KCNH1: variants seen among roughly 807,000 people sequenced by gnomAD.
KCNH1 encodes the protein potassium voltage-gated channel subfamily H member 1, also known as voltage-gated delayed rectifier potassium channel KCNH1.
Under a neutral mutation model 69.2 loss-of-function variants are expected in KCNH1, and 27 were observed. That is an observed-to-expected ratio of 0.39 (90% CI 0.29 to 0.54). The LOEUF is 0.54. Among genes scored for constraint, KCNH1 ranks in the 20% least tolerant of loss-of-function variants. The probability of loss-of-function intolerance (pLI) is 0.68; values close to 1 mark genes in which losing one functional copy is unlikely to be tolerated. For synonymous variants in KCNH1, 456 were observed against 487.7 expected (o/e 0.93, Z 0.86); for missense variants, 798 against 1,261.6 (o/e 0.63, Z 5.57).
intron 7 of KCNH1, among the ~76,000 whole-genome samples, chr1:210,848,796 AT>A (rs1166786297): frequency 6.6e-6 from 1 of 152,136 alleles, no homozygotes; most frequent in Non-Finnish European, 1.5e-5. Context: ...CTGGGCCCCC[AT>A]TTCAATTTTT....
intron 5 of KCNH1, among the ~76,000 whole-genome samples, chr1:211,060,325 C>T (rs1369841732): frequency 2.2e-5 from 3 of 134,232 alleles, no homozygotes; most frequent in Admixed American, 8.7e-5. Flanking sequence ...CTTATGAACC[C>T]GGGAGGCGGA....
chr1:210,904,834 A>G (rs1687069957), intron 7 of KCNH1, among the ~76,000 whole-genome samples: 2 of 152,260 alleles, frequency 1.3e-5, no homozygotes, highest in South Asian at 4.1e-4. Flanking sequence ...CCAATGAAAT[A>G]GAGCCATTAC....
chr1:210,815,882 T>C (rs1043143713), intron 7 of KCNH1, among the ~76,000 whole-genome samples: 3 of 152,172 alleles, frequency 2.0e-5, no homozygotes, highest in African/African-American at 7.2e-5. Context: ...AACACACAGA[T>C]CCCACACCCT....
intron 6 of KCNH1, among the ~76,000 whole-genome samples, chr1:211,002,939 G>A (rs1689215417): frequency 6.6e-6 from 1 of 152,154 alleles, no homozygotes; most frequent in African/African-American, 2.4e-5. Context: ...CTCCAAAACT[G>A]ATCCCGGCAA....
intron 6 of KCNH1, among the ~76,000 whole-genome samples, chr1:210,926,112 T>G (rs1049496396): frequency 2.6e-5 from 4 of 152,094 alleles, no homozygotes; most frequent in African/African-American, 9.7e-5. Context: ...TACAAAATAT[T>G]AGCCAGTCAT....
chr1:210,853,600 G>A (rs1461761677), intron 7 of KCNH1, among the ~76,000 whole-genome samples: 1 of 152,170 alleles, frequency 6.6e-6, no homozygotes, highest in East Asian at 1.9e-4. Flanking sequence ...GCCTGATTGG[G>A]TACAACTAAC....
chr1:210,741,213 A>T (rs536393387), intron 10 of KCNH1, among the ~76,000 whole-genome samples: 1 of 152,352 alleles, frequency 6.6e-6, no homozygotes, highest in South Asian at 2.1e-4. Context: ...GTGAAGACAT[A>T]AAAAATAACA....
chr1:210,984,147 C>T lies in KCNH1; in HGVS notation c.1032+34636G>A, dbSNP rs529930359. Among the ~76,000 whole-genome samples, 766 of 152,268 alleles carry T rather than the reference C, an allele frequency of 5.0e-3. 9 individuals carry two copies. The highest frequency in any genetic ancestry group is 0.018 in the African/African-American group (729 of 41,554). On this transcript the variant is annotated intron_variant, in intron 6 of 10. Coordinates refer to ENST00000271751, the MANE Select transcript of KCNH1 (RefSeq NM_172362.3). ...TGTATCCTGAGACTGCTGAAGTTGTCTATCAGCTTAAGGAGATTTTCAGCT... is the reference window on the plus strand; with the variant it reads ...TGTATCCTGAGACTGCTGAAGTTGTTTATCAGCTTAAGGAGATTTTCAGCT...
chr1:211,027,947 A>G (rs1178082934), intron 5 of KCNH1, among the ~76,000 whole-genome samples: 1 of 152,218 alleles, frequency 6.6e-6, no homozygotes, highest in African/African-American at 2.4e-5. Context: ...CCATCAAACA[A>G]TAAGATATAG....
chr1:210,908,117 GTTC>G (rs1359624329), intron 7 of KCNH1, among the ~76,000 whole-genome samples: 2 of 152,172 alleles, frequency 1.3e-5, no homozygotes, highest in Non-Finnish European at 2.9e-5. Flanking sequence ...TGAGTGCAAG[GTTC>G]TTCTTAATCT....
At position 211,037,678 on chromosome 1, in the gene KCNH1, C is replaced by A. The variant is rs528118149; in HGVS notation, c.559-18422G>T. On this transcript the variant is annotated intron_variant, in intron 5 of 10. Transcript: ENST00000271751. The stretch of plus-strand genomic sequence containing the variant: ...CAATTAAATCCAAAACCAGGCACAT[C>A]GGCCAGAGCCTGTCTCTCTTAAGAG... Among the ~76,000 whole-genome samples, 126 of 152,118 alleles carry A rather than the reference C, an allele frequency of 8.3e-4. 1 individual carries two copies. The highest frequency in any genetic ancestry group is 1.3e-3 in the Non-Finnish European group (89 of 67,992).
At chr1:210,933,481 T>C (rs1249641398) in intron 6 of KCNH1, among the ~76,000 whole-genome samples, 4 of 151,776 alleles carry the variant, frequency 2.6e-5, no homozygotes, top group African/African-American at 9.7e-5. Flanking sequence ...ACCTGCACAT[T>C]GTGAACATGT....
At position 210,683,830 on chromosome 1, in the gene KCNH1, C is replaced by T. The variant is rs751537005; in HGVS notation, c.2421G>A (p.Gly807=). The T allele has an allele frequency of 8.7e-6, 14 of 1,614,022 alleles. No homozygotes were observed. The Admixed American group carries it at 2.2e-4, about 25-fold the overall frequency. Residue 807 remains glycine (G), a synonymous_variant, in exon 11 of 11, where the codon GGG becomes GGA. Transcript: ENST00000271751. This position sits in a 1 kb window ranked among gnomAD's most constrained non-coding sequence, Gnocchi z 5.7. ...PVSFQAASTS[G]VPDHAKLQAP... ...CCTGTAGCTTTGCGTGGTCTGGCAC[C>T]CCGGAGGTGGAGGCTGCCTGGAAGG...
intron 9 of KCNH1, among the ~76,000 whole-genome samples, chr1:210,787,557 C>A (rs1200943198): frequency 6.6e-6 from 1 of 152,256 alleles, no homozygotes; most frequent in African/African-American, 2.4e-5. Context: ...TTGAACAGAA[C>A]AATGTTAAGT....
chr1:210,894,047 G>T lies in KCNH1; in HGVS notation c.1462+25593C>A, dbSNP rs116243781. On this transcript the variant is annotated intron_variant, in intron 7 of 10. Coordinates refer to ENST00000271751, the MANE Select transcript of KCNH1 (RefSeq NM_172362.3). The stretch of plus-strand genomic sequence containing the variant: ...CCTACTACTTCTAAAAACCTGTAAC[G>T]GTTGAGTCAGTTTTGGCTGACTGAT... Among the ~76,000 whole-genome samples, 441 of 152,182 alleles carry T rather than the reference G, an allele frequency of 2.9e-3. 3 individuals carry two copies. Among genetic ancestry groups the T allele is most frequent in the African/African-American group, 9.4e-3 (391 of 41,520 alleles).
chr1:210,961,234 A>G (rs1381223030), intron 6 of KCNH1, among the ~76,000 whole-genome samples: 1 of 151,716 alleles, frequency 6.6e-6, no homozygotes, highest in African/African-American at 2.4e-5. Context: ...AGTTTTCATT[A>G]GATACACGAC....
intron 3 of KCNH1, among the ~76,000 whole-genome samples, chr1:211,095,845 G>A (rs1441212573): frequency 6.6e-6 from 1 of 152,142 alleles, no homozygotes; most frequent in East Asian, 1.9e-4. Context: ...GGGATGTAAT[G>A]GCCACTGGCC....
chr1:210,711,658 C>G (rs1682078336), intron 10 of KCNH1, among the ~76,000 whole-genome samples: 1 of 152,218 alleles, frequency 6.6e-6, no homozygotes, highest in Non-Finnish European at 1.5e-5. Context: ...TCTTCTACCC[C>G]TTTATCATGC....
intron 5 of KCNH1, among the ~76,000 whole-genome samples, chr1:211,078,600 C>G (rs1383543651): frequency 6.6e-6 from 1 of 152,188 alleles, no homozygotes; most frequent in Non-Finnish European, 1.5e-5. Context: ...ACCAGAATCT[C>G]TGGGACACAT....
Sources: gnomAD v4.1 joint callset for allele counts (sites outside exome capture counted in the v4.1 genomes callset) on GRCh38, gnomAD v4.1.1 for gene constraint, Gnocchi (gnomAD v3.1) non-coding constraint, MANE v1.5 for transcripts, NCBI Gene and HGNC (gene_info 2026-07-23, HGNC 2026-07-21) for gene names.